MYO1H: variants seen among roughly 807,000 people sequenced by gnomAD.
MYO1H encodes the protein myosin IH.
MYO1H carries 118 observed loss-of-function variants against 149.3 expected under a neutral mutation model. The ratio of observed to expected loss-of-function variants is 0.79; its 90% CI spans 0.68 to 0.92. The LOEUF (loss-of-function observed/expected upper bound fraction) is 0.92. MYO1H is among the 40% of genes least tolerant of loss of function. The pLI is 0.00. For missense variants in MYO1H, 1,212 were observed against 1,280.7 expected, an observed-to-expected ratio of 0.95 and a Z score of 0.82; for synonymous variants, 447 against 465.2, an observed-to-expected ratio of 0.96 and a Z score of 0.50.
intron 27 of MYO1H, 81 bp downstream of exon 27, chr12:109,442,353 C>G: frequency 2.4e-6 from 3 of 1,255,920 alleles, no homozygotes; most frequent in Non-Finnish European, 3.5e-6. Flanking sequence ...CCATAAAGGG[C>G]GCACTATTTA....
intron 6 of MYO1H, chr12:109,401,498 A>T (rs73192598): frequency 0.055 from 24,339 of 446,422 alleles, 889 homozygotes; most frequent in Non-Finnish European, 0.07. Flanking sequence ...AGTGGTTCTC[A>T]TCCCTGGCTG....
At chr12:109,409,240 C>CTTTTTTTTTTTTTTTT (rs1870542742) in intron 10 of MYO1H, among the ~76,000 whole-genome samples, 3 of 91,034 alleles carry the variant, frequency 3.3e-5, no homozygotes, top group African/African-American at 5.3e-5. Context: ...TCTTCTTCTT[C>CTTTTTTTTTTTTTTTT]TTCTTCTTTT....
the MYO1H span, among the ~76,000 whole-genome samples, chr12:109,337,194 T>G: frequency 1.3e-5 from 2 of 152,198 alleles, no homozygotes; most frequent in East Asian, 3.8e-4. Flanking sequence ...TTTTTTCCTG[T>G]GATTTCCAGA....
intron 1 of MYO1H, among the ~76,000 whole-genome samples, chr12:109,378,319 A>C (rs1278569100): frequency 6.9e-6 from 1 of 143,914 alleles, no homozygotes; most frequent in Non-Finnish European, 1.5e-5. Flanking sequence ...TTTCTTTTTT[A>C]TTTATTTATT....
intron 14 of MYO1H, among the ~76,000 whole-genome samples, chr12:109,414,803 G>A (rs180726427): frequency 5.0e-4 from 76 of 152,060 alleles, no homozygotes; most frequent in Middle Eastern, 3.4e-3. Context: ...AAATTCCTGG[G>A]CTCAAGCAAT....
the MYO1H span, among the ~76,000 whole-genome samples, chr12:109,322,495 T>C: frequency 5.9e-5 from 9 of 152,130 alleles, no homozygotes; most frequent in Non-Finnish European, 1.2e-4. Context: ...TTTTAGGATG[T>C]GGGACAAAGC....
chr12:109,327,290 C>G, the MYO1H span, among the ~76,000 whole-genome samples: 97 of 151,542 alleles, frequency 6.4e-4, 2 homozygotes, highest in African/African-American at 2.2e-3. Flanking sequence ...CACCACCATG[C>G]CTGGCTAATT....
intron 26 of MYO1H, 113 bp downstream of exon 26, chr12:109,441,821 C>T (rs570529649): frequency 2.3e-4 from 158 of 678,826 alleles, no homozygotes; most frequent in Non-Finnish European, 1.3e-4. Context: ...CCGAGGTGGG[C>T]GGATTGCCTG....
chr12:109,372,980 T>C (rs893161726), intron 1 of MYO1H, among the ~76,000 whole-genome samples: 2 of 152,130 alleles, frequency 1.3e-5, no homozygotes, highest in African/African-American at 4.8e-5. Flanking sequence ...CATTTGGTGA[T>C]AAACTTATTC....
At chr12:109,408,065 C>A in intron 10 of MYO1H, 152 bp downstream of exon 10, 1 of 928,006 alleles carries the variant, frequency 1.1e-6, no homozygotes, top group Non-Finnish European at 1.7e-6. Flanking sequence ...CCATGTCTAG[C>A]ATACAGTATG....
intron 3 of MYO1H, 111 bp downstream of exon 3, chr12:109,393,557 A>ATCCATCCATCCATTCATCCC: frequency 1.5e-6 from 1 of 658,824 alleles, no homozygotes; most frequent in Non-Finnish European, 2.7e-6. Flanking sequence ...CCATCCATCC[A>ATCCATCCATCCATTCATCCC]TCCATCCATC....
chr12:109,325,288 A>G, the MYO1H span, among the ~76,000 whole-genome samples: 2 of 152,226 alleles, frequency 1.3e-5, no homozygotes, highest in Non-Finnish European at 2.9e-5. Flanking sequence ...TCCTTGAGGA[A>G]TTGCCACACT....
chr12:109,380,910 C>T lies in MYO1H; in HGVS notation c.13-7773C>T, dbSNP rs184171702. Among the ~76,000 whole-genome samples, 215 of 152,314 alleles carry T rather than the reference C, an allele frequency of 1.4e-3. 2 individuals are homozygous for T. Among genetic ancestry groups the T allele is most frequent in the African/African-American group, 4.9e-3 (203 of 41,578 alleles). ...GCAGAGAGGTGAGATCACGTCATTG[C>T]ACTCCAGCCTGGGCAACAGAGCGAG... On this transcript the variant is annotated intron_variant, in intron 1 of 31. Coordinates refer to ENST00000310903, the Ensembl canonical transcript of MYO1H.
At chr12:109,365,618 G>A (rs1401126063) in intron 1 of MYO1H, among the ~76,000 whole-genome samples, 3 of 152,168 alleles carry the variant, frequency 2.0e-5, no homozygotes, top group Non-Finnish European at 2.9e-5. Context: ...CCATCTGTGG[G>A]TCTTAGATAG....
At chr12:109,357,150 A>T (rs1462246005) in intron 1 of MYO1H, 1 of 152,152 alleles carries the variant, frequency 6.6e-6, no homozygotes, top group Non-Finnish European at 1.5e-5. Context: ...TGCAGCATTA[A>T]TTTCTGGTTC....
chr12:109,415,664 G>A, intron 15 of MYO1H, 44 bp downstream of exon 15: 2 of 1,407,030 alleles, frequency 1.4e-6, no homozygotes, highest in African/African-American at 1.4e-5. Context: ...TATGTGCCCA[G>A]CCTGGTGTCT....
chr12:109,381,882 T>G (rs968002816), intron 1 of MYO1H, among the ~76,000 whole-genome samples: 1 of 152,236 alleles, frequency 6.6e-6, no homozygotes, highest in Non-Finnish European at 1.5e-5. Context: ...AAACCTTTAA[T>G]TTGTAATGAT....
chr12:109,345,131 T>C (rs1592774841), upstream of MYO1H, among the ~76,000 whole-genome samples: 1 of 152,186 alleles, frequency 6.6e-6, no homozygotes, highest in East Asian at 1.9e-4. Flanking sequence ...AAGTCTTTTG[T>C]GTTTCAAAGG....
chr12:109,443,635 A>G, exon 28 of MYO1H: 1 of 1,613,718 alleles, frequency 6.2e-7, no homozygotes, highest in Non-Finnish European at 8.5e-7. Context: ...AAAATAGAGT[A>G]CTCAGCTCTC....
Sources: gnomAD v4.1 joint callset for allele counts (sites outside exome capture counted in the v4.1 genomes callset) on GRCh38, gnomAD v4.1.1 for gene constraint, MANE v1.5 for transcripts, NCBI Gene and HGNC (gene_info 2026-07-23, HGNC 2026-07-21) for gene names.